The following SEPTIN10 variants were observed in gnomAD, a reference collection of about 807,000 sequenced individuals.
The protein encoded by SEPTIN10 is septin 10.
SEPTIN10 carries 66 observed loss-of-function variants against 54.8 expected under a neutral mutation model. The ratio of observed to expected loss-of-function variants is 1.21; its 90% CI spans 0.99 to 1.48. The LOEUF (loss-of-function observed/expected upper bound fraction) is 1.48, where lower values mean the gene tolerates loss of function less well. Among genes scored for constraint, SEPTIN10 ranks in the 40% most tolerant of loss-of-function variants. The probability of loss-of-function intolerance (pLI) is 0.00; values close to 1 mark genes in which losing one functional copy is unlikely to be tolerated. For synonymous variants in SEPTIN10, 161 were observed against 181.0 expected (o/e 0.89, Z 0.89); for missense variants, 620 against 545.6 (o/e 1.14, Z -1.36).
chr2:109,607,387 G>A (rs551999912), intron 1 of SEPTIN10, among the ~76,000 whole-genome samples: 2 of 152,198 alleles, frequency 1.3e-5, no homozygotes, highest in African/African-American at 4.8e-5. Flanking sequence ...TTGCCCTATT[G>A]CTAGGATGGC....
chr2:109,588,798 T>TA (rs1401256250), intron 2 of SEPTIN10, among the ~76,000 whole-genome samples: 4 of 150,518 alleles, frequency 2.7e-5, no homozygotes, highest in Middle Eastern at 3.4e-3. Flanking sequence ...GCTAAAATAT[T>TA]ATATTATTTG....
intron 10 of SEPTIN10, chr2:109,545,197 G>C: frequency 1.0e-6 from 1 of 985,384 alleles, no homozygotes; most frequent in Non-Finnish European, 1.2e-6. Flanking sequence ...AACTGAGGCA[G>C]AGTCCCCCAA....
At position 109,553,811 on chromosome 2, in the gene SEPTIN10, G is replaced by A. The variant is rs946634265; in HGVS notation, c.1029-592C>T. Among the ~76,000 whole-genome samples the A allele has an allele frequency of 1.0e-4, 15 of 150,610 alleles. No individual in the cohort carries two copies. In the South Asian group the frequency reaches 2.1e-3, roughly 21 times the overall value. ...GAAGGTTGCAGTGAGCCAAGATCGC[G>A]CCACTGCATTCCAGCCTGGGCGACA... On this transcript the variant is annotated intron_variant, in intron 8 of 10. Transcript: ENST00000397712.
At chr2:109,545,497 A>G (rs1325690689) in intron 10 of SEPTIN10, 2 of 1,536,142 alleles carry the variant, frequency 1.3e-6, no homozygotes, top group Non-Finnish European at 1.7e-6. Flanking sequence ...TGGTTTCACA[A>G]GCTCTGACAT....
chr2:109,593,083 T>C lies in SEPTIN10; in HGVS notation c.67A>G (p.Met23Val), dbSNP rs766278428. 6.9e-6 allele frequency: 11 copies of C among 1,601,156 alleles called. No individual in the cohort carries two copies. The highest frequency in any genetic ancestry group is 6.7e-5 in the African/African-American group (5 of 74,494). Residue 23 changes from methionine (M) to valine (V), a missense_variant, in exon 2 of 11, where the codon ATG (methionine) becomes GTG (valine). Coordinates refer to ENST00000397712, the MANE Select transcript of SEPTIN10 (RefSeq NM_144710.5). ...QSHMATKTTC[M>V]SSQGSDDEQI... ...TCATCATCTGATCCTTGTGAAGACA[T>C]ACAAGTTGTTTTCGTTGCCATGTGA...
intron 10 of SEPTIN10, chr2:109,545,435 C>T (rs1235180229): frequency 1.3e-6 from 2 of 1,536,080 alleles, no homozygotes; most frequent in East Asian, 2.4e-5. Flanking sequence ...TCATGGCTGC[C>T]CCCTTGCACT....
intron 4 of SEPTIN10, among the ~76,000 whole-genome samples, chr2:109,584,226 T>C (rs1375616327): frequency 1.3e-5 from 2 of 152,130 alleles, no homozygotes; most frequent in Non-Finnish European, 2.9e-5. Context: ...CCTGTAATCC[T>C]AGCACTTCGG....
At position 109,567,922 on chromosome 2, in the gene SEPTIN10, G is replaced by A. The variant is rs1365397495; in HGVS notation, c.655C>T (p.Gln219Ter). 2 of 1,613,652 alleles carry A rather than the reference G, an allele frequency of 1.2e-6. No individual in the cohort carries two copies. Among genetic ancestry groups the A allele is most frequent in the Admixed American group, 1.7e-5 (1 of 59,948 alleles). Reference sequence around the variant, plus strand: ...CTCATGAGCTTGATCTTAAACTTCTGTAATTCAGTTTTAGAAACCGTATCT... The same window carrying A: ...CTCATGAGCTTGATCTTAAACTTCTATAATTCAGTTTTAGAAACCGTATCT... ...KADTVSKTEL[Q>*]KFKIKLMSEL... is the part of the protein sequence containing the mutation. Residue 219 changes from glutamine (Q) to a stop codon, truncating the protein, a stop_gained, in exon 6 of 11, where the codon CAG becomes TAG. Transcript: ENST00000397712. LOFTEE classifies it high-confidence loss of function.
chr2:109,560,618 G>T (rs540024000), intron 8 of SEPTIN10, among the ~76,000 whole-genome samples: 1 of 152,258 alleles, frequency 6.6e-6, no homozygotes, highest in African/African-American at 2.4e-5. Flanking sequence ...ACCCCAAAGT[G>T]CTTACTTGTA....
intron 1 of SEPTIN10, among the ~76,000 whole-genome samples, chr2:109,597,409 T>C (rs1695547634): frequency 6.6e-6 from 1 of 152,228 alleles, no homozygotes; most frequent in East Asian, 1.9e-4. Context: ...ACCCACTTAG[T>C]ATGTGTAAAC....
intron 8 of SEPTIN10, among the ~76,000 whole-genome samples, chr2:109,558,755 G>GTT (rs1684960207): frequency 6.6e-6 from 1 of 152,058 alleles, no homozygotes; most frequent in Admixed American, 6.5e-5. Context: ...TCACATAAAG[G>GTT]TCACCCAACA....
chr2:109,600,723 A>G (rs1313557032), intron 1 of SEPTIN10, among the ~76,000 whole-genome samples: 1 of 152,102 alleles, frequency 6.6e-6, no homozygotes, highest in Non-Finnish European at 1.5e-5. Flanking sequence ...GAGATCCCAC[A>G]GACTGAGGGC....
At chr2:109,604,019 G>T (rs1428686545) in intron 1 of SEPTIN10, among the ~76,000 whole-genome samples, 1 of 151,710 alleles carries the variant, frequency 6.6e-6, no homozygotes, top group Non-Finnish European at 1.5e-5. Flanking sequence ...AAAATTAGCC[G>T]GGCATAGTGG....
chr2:109,593,316 CAT>C (rs1408004515), intron 1 of SEPTIN10, among the ~76,000 whole-genome samples, 197 bp from the exon 2 acceptor site: 1 of 151,380 alleles, frequency 6.6e-6, no homozygotes, highest in Non-Finnish European at 1.5e-5. Flanking sequence ...AAGTAAATTA[CAT>C]ATAATATTCA....
At position 109,555,023 on chromosome 2, in the gene SEPTIN10, C is replaced by T. The variant is rs564205776; in HGVS notation, c.1029-1804G>A. The stretch of plus-strand genomic sequence containing the variant: ...ATTTCTACAGATACCAGATTACAGC[C>T]GAACCTGATCTTTGTGATTTTCTGC... On this transcript the variant is annotated intron_variant, in intron 8 of 10. Transcript: ENST00000397712. Among the ~76,000 whole-genome samples, 14 of 152,244 alleles carry T rather than the reference C, an allele frequency of 9.2e-5. No individual in the cohort carries two copies. In the South Asian group the frequency reaches 1.0e-3, roughly 11 times the overall value.
intron 2 of SEPTIN10, among the ~76,000 whole-genome samples, chr2:109,592,673 G>A (rs1287052269): frequency 1.3e-5 from 2 of 150,698 alleles, no homozygotes; most frequent in East Asian, 2.0e-4. Context: ...CCAGCTACTC[G>A]GGAGGCTGAG....
chr2:109,613,756 C>T, intron 1 of SEPTIN10, 42 bp downstream of exon 1: 1 of 1,187,102 alleles, frequency 8.4e-7, no homozygotes, highest in Non-Finnish European at 1.1e-6. Context: ...CCGCGGGGGC[C>T]GGGGAGCGCG....
intron 8 of SEPTIN10, among the ~76,000 whole-genome samples, chr2:109,560,135 T>G (rs1276209518): frequency 1.3e-5 from 2 of 152,094 alleles, no homozygotes; most frequent in African/African-American, 4.8e-5. Flanking sequence ...TTAGCCAGGA[T>G]AGTCTTGATC....
chr2:109,545,234 T>C (rs1177059617), intron 10 of SEPTIN10: 4 of 985,300 alleles, frequency 4.1e-6, no homozygotes, highest in Non-Finnish European at 4.8e-6. Context: ...GAACAAGGCA[T>C]GATGAATTTC....
Sources: gnomAD v4.1 joint callset for allele counts (sites outside exome capture counted in the v4.1 genomes callset) on GRCh38, gnomAD v4.1.1 for gene constraint, MANE v1.5 for transcripts, NCBI Gene and HGNC (gene_info 2026-07-23, HGNC 2026-07-21) for gene names.